Variants in ANKS1B observed in about 807,000 individuals in gnomAD.
ANKS1B encodes the protein ankyrin repeat and sterile alpha motif domain-containing protein 1B.
Under a neutral mutation model 148.3 loss-of-function variants are expected in ANKS1B, and 36 were observed. That is an observed-to-expected ratio of 0.24 (90% CI 0.19 to 0.32). The LOEUF is 0.32. Among genes scored for constraint, ANKS1B ranks in the 10% least tolerant of loss-of-function variants. ANKS1B has a pLI of 1.00. For synonymous variants in ANKS1B, 542 were observed against 560.8 expected (o/e 0.97, Z 0.47); for missense variants, 1,157 against 1,542.6 (o/e 0.75, Z 4.19).
intron 7 of ANKS1B, among the ~76,000 whole-genome samples, chr12:99,773,484 G>T (rs1027847976): frequency 1.1e-4 from 16 of 151,822 alleles, no homozygotes; most frequent in Non-Finnish European, 2.4e-4. Flanking sequence ...TTCTTCCTAG[G>T]TTCAATAAAC....
chr12:99,225,910 T>C (rs1566675898), intron 14 of ANKS1B, among the ~76,000 whole-genome samples: 1 of 152,228 alleles, frequency 6.6e-6, no homozygotes, highest in Non-Finnish European at 1.5e-5. Flanking sequence ...AAACTCCCCA[T>C]CCATCCTATT....
intron 17 of ANKS1B, among the ~76,000 whole-genome samples, chr12:98,967,652 G>GGA (rs1472953275): frequency 1.0e-4 from 12 of 115,552 alleles, no homozygotes; most frequent in African/African-American, 3.4e-4. Context: ...GAGGGAAGAG[G>GGA]AGGGGAGAGG....
intron 1 of ANKS1B, among the ~76,000 whole-genome samples, chr12:99,944,632 G>A (rs1206383990): frequency 2.0e-5 from 3 of 152,126 alleles, no homozygotes; most frequent in Non-Finnish European, 4.4e-5. Flanking sequence ...CCAGGCATGA[G>A]GGGATTTCTT....
chr12:99,591,756 A>T (rs1284631646), intron 9 of ANKS1B, among the ~76,000 whole-genome samples: 1 of 152,156 alleles, frequency 6.6e-6, no homozygotes, highest in Non-Finnish European at 1.5e-5. Flanking sequence ...CAAGTTTGAT[A>T]GGGGCTCTCT....
chr12:99,101,472 A>C (rs1283701198), intron 15 of ANKS1B, among the ~76,000 whole-genome samples: 2 of 152,240 alleles, frequency 1.3e-5, no homozygotes, highest in African/African-American at 4.8e-5. Flanking sequence ...TGTTAAGAAT[A>C]ACTGTCAGCG....
At position 99,861,974 on chromosome 12, in the gene ANKS1B, C is replaced by T. The variant is rs1319794995; in HGVS notation, c.135-36585G>A. ...GTAGCCAAAAAGGAAGCGGGTGGGG[C>T]GGGGGTGGGGGGCTGAAGCCAAAGA... On this transcript the variant is annotated intron_variant, in intron 1 of 26. Coordinates refer to ENST00000683438, the MANE Select transcript of ANKS1B (RefSeq NM_001352186.2). Among the ~76,000 whole-genome samples the T allele has an allele frequency of 2.3e-4, 8 of 35,144 alleles. No individual in the cohort carries two copies. In the East Asian group the frequency reaches 3.8e-3, roughly 16 times the overall value. 23.1% of individuals were successfully genotyped at this position (35,144 alleles called of 152,430 possible).
chr12:99,531,411 CCTT>C (rs1353637745), intron 9 of ANKS1B, among the ~76,000 whole-genome samples: 1 of 152,170 alleles, frequency 6.6e-6, no homozygotes, highest in Non-Finnish European at 1.5e-5. Flanking sequence ...ACACAGTACA[CCTT>C]TGTGTACCTA....
chr12:98,906,291 A>T (rs1567707786), intron 17 of ANKS1B, among the ~76,000 whole-genome samples: 2 of 152,220 alleles, frequency 1.3e-5, no homozygotes, highest in Non-Finnish European at 2.9e-5. Context: ...AAATGTGTGG[A>T]ATCAAATCTA....
At position 99,972,066 on chromosome 12, in the gene ANKS1B, A is replaced by G. The variant is rs1273973468; in HGVS notation, c.134+12038T>C. Among the ~76,000 whole-genome samples the G allele has an allele frequency of 1.3e-5, 2 of 152,170 alleles. 1 individual carries two copies. Among genetic ancestry groups the G allele is most frequent in the Non-Finnish European group, 2.9e-5 (2 of 68,034 alleles). ...TTTATATCTGTTATGATCATCTGTG[A>G]ACTGAATAATGCTGTGTGTGTTCTC... On this transcript the variant is annotated intron_variant, in intron 1 of 26. Coordinates refer to ENST00000683438, the MANE Select transcript of ANKS1B (RefSeq NM_001352186.2).
intron 9 of ANKS1B, among the ~76,000 whole-genome samples, chr12:99,574,312 T>C (rs2097493923): frequency 6.6e-6 from 1 of 152,146 alleles, no homozygotes. Flanking sequence ...GTCTTTTTTT[T>C]CTGGGAAACC....
At chr12:99,551,381 TCTAA>T (rs1203414253) in intron 9 of ANKS1B, among the ~76,000 whole-genome samples, 1 of 152,098 alleles carries the variant, frequency 6.6e-6, no homozygotes, top group Non-Finnish European at 1.5e-5. Flanking sequence ...TTTAGGGCTT[TCTAA>T]CTGTCTCCAT....
At chr12:99,310,626 A>T (rs1237706822) in intron 12 of ANKS1B, among the ~76,000 whole-genome samples, 1 of 152,112 alleles carries the variant, frequency 6.6e-6, no homozygotes, top group African/African-American at 2.4e-5. Flanking sequence ...GAACTACATC[A>T]CTGGCTCTCA....
chr12:99,880,643 A>T (rs1015764526), intron 1 of ANKS1B, among the ~76,000 whole-genome samples: 10 of 152,242 alleles, frequency 6.6e-5, no homozygotes, highest in African/African-American at 2.4e-4. Context: ...CATAATGAGT[A>T]AAGGACATAA....
At chr12:99,594,745 T>A (rs1597753718) in intron 9 of ANKS1B, among the ~76,000 whole-genome samples, 1 of 151,930 alleles carries the variant, frequency 6.6e-6, no homozygotes, top group South Asian at 2.1e-4. Context: ...TGCTATTCAA[T>A]GGATATAAAG....
At chr12:99,962,125 GGTTT>G (rs2095420677) in intron 1 of ANKS1B, among the ~76,000 whole-genome samples, 1 of 151,994 alleles carries the variant, frequency 6.6e-6, no homozygotes, top group African/African-American at 2.4e-5. Flanking sequence ...AGAACGTGCA[GGTTT>G]GTTACATAGG....
At chr12:99,419,809 C>A (rs762330141) in intron 11 of ANKS1B, among the ~76,000 whole-genome samples, 5 of 152,082 alleles carry the variant, frequency 3.3e-5, no homozygotes, top group Non-Finnish European at 5.9e-5. Context: ...GTTAGCAATA[C>A]AGGCACACAC....
intron 8 of ANKS1B, among the ~76,000 whole-genome samples, chr12:99,722,079 C>T (rs1369054668): frequency 2.0e-5 from 3 of 152,316 alleles, no homozygotes; most frequent in Middle Eastern, 3.4e-3. Flanking sequence ...AATTTTGAAG[C>T]TAGCAGGGGT....
chr12:99,912,430 C>T (rs1254298913), intron 1 of ANKS1B, among the ~76,000 whole-genome samples: 1 of 151,892 alleles, frequency 6.6e-6, no homozygotes, highest in Non-Finnish European at 1.5e-5. Context: ...CCACTCACTG[C>T]AACCTCTGCC....
At chr12:98,791,512 A>G (rs2098852897) in intron 22 of ANKS1B, among the ~76,000 whole-genome samples, 1 of 152,042 alleles carries the variant, frequency 6.6e-6, no homozygotes, top group Non-Finnish European at 1.5e-5. Context: ...GGAGAGAGTG[A>G]AAGAAAATAA....
Sources: gnomAD v4.1 joint callset for allele counts (sites outside exome capture counted in the v4.1 genomes callset) on GRCh38, gnomAD v4.1.1 for gene constraint, MANE v1.5 for transcripts, NCBI Gene and HGNC (gene_info 2026-07-23, HGNC 2026-07-21) for gene names.